MYT1L: variants seen among roughly 807,000 people sequenced by gnomAD.
MYT1L encodes the protein myelin transcription factor 1 like, also known as myelin transcription factor 1-like protein.
A neutral mutation model predicts 126.7 loss-of-function variants in MYT1L; 12 were observed. That is an observed-to-expected ratio of 0.09 (90% confidence interval 0.06 to 0.15). MYT1L has a LOEUF of 0.15. Ranked by LOEUF, MYT1L falls within the 10% of genes least tolerant of loss-of-function variation. The probability of loss-of-function intolerance (pLI) is 1.00; values close to 1 mark genes in which losing one functional copy is unlikely to be tolerated. For missense variants in MYT1L, 979 were observed against 1,585.2 expected (o/e 0.62, Z 6.49); for synonymous variants, 541 against 604.2 (o/e 0.90, Z 1.53).
chr2:2,195,043 T>A (rs1302045332), intron 2 of MYT1L, among the ~76,000 whole-genome samples: 3 of 152,186 alleles, frequency 2.0e-5, no homozygotes, highest in East Asian at 3.9e-4. Context: ...TGATAATAAT[T>A]AGAAATGTAA....
Position 2,230,297 on chromosome 2 carries a change from T to G in MYT1L, c.-421+54107A>C, listed in dbSNP as rs139081538. On this transcript the variant is annotated intron_variant, in intron 2 of 24. Coordinates refer to ENST00000647738, the MANE Select transcript of MYT1L (RefSeq NM_001303052.2). The stretch of plus-strand genomic sequence containing the variant: ...GTGCTCGGTGAACTCATCCCTCAGC[T>G]GCAGCGTCTGTTTCCTTAGCACTTC... Among the ~76,000 whole-genome samples, 29 of 152,362 alleles carry G rather than the reference T, an allele frequency of 1.9e-4. No homozygotes were observed. In the East Asian group the frequency reaches 3.5e-3, roughly 18 times the overall value.
In MYT1L at chr2:1,979,982, T is replaced by C. The variant is rs1022595511; in HGVS notation, c.1-205A>G. Among the ~76,000 whole-genome samples the C allele has an allele frequency of 6.6e-6, 1 of 152,056 alleles. No individual in the cohort carries two copies. Among genetic ancestry groups the C allele is most frequent in the Non-Finnish European group, 1.5e-5 (1 of 67,976 alleles). On this transcript the variant is annotated intron_variant, in intron 5 of 24. Transcript: ENST00000647738. This position sits in a 1 kb window ranked among gnomAD's most constrained non-coding sequence, Gnocchi z 4.0. ...CAATTATAAACAGACCTTAACCTTGTAGGGAATATTTAATCAGGAGGCCCT... is the reference window on the plus strand; with the variant it reads ...CAATTATAAACAGACCTTAACCTTGCAGGGAATATTTAATCAGGAGGCCCT...
chr2:2,152,021 A>G (rs1213425318), intron 3 of MYT1L, among the ~76,000 whole-genome samples: 1 of 152,150 alleles, frequency 6.6e-6, no homozygotes, highest in Non-Finnish European at 1.5e-5. Flanking sequence ...GCGCCACCAC[A>G]CTCCAGCCTG....
At chr2:1,834,932 GGTACT>G (rs2040662832) in intron 21 of MYT1L, among the ~76,000 whole-genome samples, 1 of 117,582 alleles carries the variant, frequency 8.5e-6, no homozygotes, top group African/African-American at 4.7e-5. Context: ...GATGGATACA[GGTACT>G]CCTCCACATA....
At chr2:1,996,890 G>GTA (rs2149609704) in intron 5 of MYT1L, among the ~76,000 whole-genome samples, 1 of 142,160 alleles carries the variant, frequency 7.0e-6, no homozygotes, top group South Asian at 2.4e-4. Context: ...AGTGTGGACT[G>GTA]CATGGAACCG....
chr2:1,949,476 C>T (rs1172359373), intron 8 of MYT1L, among the ~76,000 whole-genome samples: 3 of 152,120 alleles, frequency 2.0e-5, no homozygotes. Flanking sequence ...GTGGTTAACT[C>T]GGTGTCAACA....
rs952442188 is a variant in MYT1L, at chr2:1,974,742, T to G, written c.152+4423A>C. On this transcript the variant is annotated intron_variant, in intron 8 of 24. Transcript: ENST00000647738. The stretch of plus-strand genomic sequence containing the variant: ...CCTGGAACTCTGTCCTTCGCCTTTC[T>G]CACTGGTTCCTTGGTAGCCAAGAGA... 2.0e-5 allele frequency: 3 copies of G among 152,306 alleles called. 1 individual carries two copies. The highest frequency in any genetic ancestry group is 1.3e-4 in the Admixed American group (2 of 15,296). 9.4% of individuals were successfully genotyped at this position (152,306 alleles called of 1,614,324 possible). A position where few individuals can be genotyped will look rare whatever the true frequency, so the allele number is the denominator to read the frequency against.
In MYT1L at chr2:2,224,543, G is replaced by C. The variant is rs1365837133; in HGVS notation, c.-420-51555C>G. Among the ~76,000 whole-genome samples, 2 of 152,142 alleles carry C rather than the reference G, an allele frequency of 1.3e-5. No homozygotes were observed. The highest frequency in any genetic ancestry group is 2.4e-5 in the African/African-American group (1 of 41,442). Reference sequence around the variant, plus strand: ...TTAAGAAAATAAATGTTTCAGGCTGGGCACGGTGGCTGAAGCCTGTAATCT... The same window carrying C: ...TTAAGAAAATAAATGTTTCAGGCTGCGCACGGTGGCTGAAGCCTGTAATCT... On this transcript the variant is annotated intron_variant, in intron 2 of 24. Coordinates refer to ENST00000647738, the MANE Select transcript of MYT1L (RefSeq NM_001303052.2). This position sits in a 1 kb window ranked among gnomAD's most constrained non-coding sequence, Gnocchi z 4.0.
intron 3 of MYT1L, among the ~76,000 whole-genome samples, chr2:2,147,997 T>C (rs978169122): frequency 3.9e-5 from 6 of 152,198 alleles, no homozygotes; most frequent in East Asian, 3.9e-4. Context: ...AGGAGCCAGA[T>C]AGAGAATGCT....
At chr2:2,281,756 T>C (rs2095449668) in intron 2 of MYT1L, among the ~76,000 whole-genome samples, 1 of 152,206 alleles carries the variant, frequency 6.6e-6, no homozygotes, top group South Asian at 2.1e-4. Context: ...TTAGACATAG[T>C]CTGTATCTCT....
intron 3 of MYT1L, among the ~76,000 whole-genome samples, chr2:2,105,450 T>C (rs575061746): frequency 1.3e-5 from 2 of 152,358 alleles, no homozygotes; most frequent in African/African-American, 4.8e-5. Context: ...GTGAACTTTG[T>C]AGGAATAATA....
At position 2,262,939 on chromosome 2, in the gene MYT1L, G is replaced by GATAGATATATATATATATAT. The variant is rs2095022637; in HGVS notation, c.-421+21464_-421+21465insATATATATATATATATCTAT. Among the ~76,000 whole-genome samples the GATAGATATATATATATATAT allele has an allele frequency of 3.8e-5, 2 of 51,964 alleles. 1 individual carries two copies. Among genetic ancestry groups the GATAGATATATATATATATAT allele is most frequent in the East Asian group, 4.5e-3 (2 of 442 alleles). The allele number at this position is 51,964 out of a possible 152,430, so 34.1% of individuals were successfully genotyped here. A position where few individuals can be genotyped will look rare whatever the true frequency, so the allele number is the denominator to read the frequency against. ...AAATATATATATATATATAACCTGT[G>GATAGATATATATATATATAT]ATATATATATATATATCACAGGTAA... On this transcript the variant is annotated intron_variant, in intron 2 of 24. Coordinates refer to ENST00000647738, the MANE Select transcript of MYT1L (RefSeq NM_001303052.2).
In MYT1L at chr2:1,790,818, C is replaced by G. The variant is rs139427361; in HGVS notation, c.*1049G>C. 7.5e-3 allele frequency: 1,171 copies of G among 156,848 alleles called. 10 individuals are homozygous for G. The highest frequency in any genetic ancestry group is 0.025 in the African/African-American group (1,058 of 41,540). 9.7% of individuals were successfully genotyped at this position (156,848 alleles called of 1,614,324 possible). ...CCCTCAAATGTAAAATAAGAAGGTT[C>G]ATAACAATAATAGGAATAATCATAA... On this transcript the variant is annotated 3_prime_UTR_variant, in exon 25 of 25. Transcript: ENST00000647738.
chr2:1,898,889 T>C (rs2049975227), intron 14 of MYT1L, among the ~76,000 whole-genome samples: 1 of 151,966 alleles, frequency 6.6e-6, no homozygotes, highest in South Asian at 2.1e-4. Context: ...AGAGGAGTCA[T>C]GAAGGAGAGA....
intron 1 of MYT1L, among the ~76,000 whole-genome samples, chr2:2,284,811 C>T (rs2095494954): frequency 6.6e-6 from 1 of 152,028 alleles, no homozygotes; most frequent in African/African-American, 2.4e-5. Flanking sequence ...TCAAGCGATT[C>T]TCCTGCCTCA....
At chr2:2,244,202 T>G (rs904801063) in intron 2 of MYT1L, among the ~76,000 whole-genome samples, 3 of 152,162 alleles carry the variant, frequency 2.0e-5, no homozygotes, top group Non-Finnish European at 4.4e-5. Context: ...TGCTGACCGG[T>G]CTTTGTTGCT....
chr2:1,874,757 G>A (rs570373633), intron 18 of MYT1L, among the ~76,000 whole-genome samples: 2 of 152,206 alleles, frequency 1.3e-5, no homozygotes. Flanking sequence ...GGCAACTCCA[G>A]CAGCCAGTCT....
chr2:1,917,854 G>A lies in MYT1L; in HGVS notation c.1484-515C>T, dbSNP rs1453666071. ...TGACATTGAAATTTGCTCTCCGGAG[G>A]TCAAGTGACATTGTTTCGTAGCACA... On this transcript the variant is annotated intron_variant, in intron 10 of 24. Coordinates refer to ENST00000647738, the MANE Select transcript of MYT1L (RefSeq NM_001303052.2). The surrounding 1 kb of genome is among the most constrained non-coding windows in gnomAD (Gnocchi z 5.9). Among the ~76,000 whole-genome samples, 2 of 152,212 alleles carry A rather than the reference G, an allele frequency of 1.3e-5. No individual in the cohort carries two copies. Among genetic ancestry groups the A allele is most frequent in the African/African-American group, 2.4e-5 (1 of 41,452 alleles).
chr2:1,827,759 G>A (rs1001970241), intron 21 of MYT1L: 3 of 152,202 alleles, frequency 2.0e-5, no homozygotes, highest in Non-Finnish European at 2.9e-5. Context: ...CAGGGAGAGC[G>A]AGGACCCCTC....
Sources: allele counts gnomAD v4.1 joint callset (sites outside exome capture counted in the v4.1 genomes callset), GRCh38; gene constraint gnomAD v4.1.1; non-coding constraint Gnocchi (gnomAD v3.1); transcripts MANE v1.5; gene names NCBI Gene and HGNC (gene_info 2026-07-23, HGNC 2026-07-21).